MAGI2: variants seen among roughly 807,000 people sequenced by gnomAD.
The protein encoded by MAGI2 is membrane-associated guanylate kinase, WW and PDZ domain-containing protein 2.
In MAGI2, 35 loss-of-function variants were observed where a neutral mutation model predicts 133.3. The ratio of observed to expected loss-of-function variants is 0.26; its 90% CI spans 0.20 to 0.35. The LOEUF is 0.35. Among genes scored for constraint, MAGI2 ranks in the 10% least tolerant of loss-of-function variants. The probability of loss-of-function intolerance (pLI) is 1.00; values close to 1 mark genes in which losing one functional copy is unlikely to be tolerated. For synonymous variants in MAGI2, 729 were observed against 710.6 expected, an observed-to-expected ratio of 1.03 and a Z score of -0.41; for missense variants, 1,636 against 1,863.4, an observed-to-expected ratio of 0.88 and a Z score of 2.25.
At chr7:78,341,252 A>G (rs547005825) in intron 9 of MAGI2, among the ~76,000 whole-genome samples, 5 of 152,314 alleles carry the variant, frequency 3.3e-5, no homozygotes, top group Admixed American at 2.0e-4. Context: ...ACAACTTACG[A>G]GGGATGTGAA....
chr7:78,781,294 G>T (rs1826374045), intron 2 of MAGI2, among the ~76,000 whole-genome samples: 1 of 149,344 alleles, frequency 6.7e-6, no homozygotes, highest in Non-Finnish European at 1.5e-5. Flanking sequence ...CAGGAGAATG[G>T]CATGAACCCA....
At chr7:78,936,285 T>A (rs1346899940) in intron 2 of MAGI2, among the ~76,000 whole-genome samples, 1 of 151,972 alleles carries the variant, frequency 6.6e-6, no homozygotes, top group Non-Finnish European at 1.5e-5. Flanking sequence ...CTTGGCACCA[T>A]GCTAAGCATT....
At chr7:79,304,146 C>T (rs1231160724) in intron 1 of MAGI2, among the ~76,000 whole-genome samples, 1 of 144,400 alleles carries the variant, frequency 6.9e-6, no homozygotes, top group East Asian at 2.1e-4. Context: ...AATTAACTGG[C>T]AGGTGAGTTT....
chr7:78,636,841 A>G (rs1303114221), intron 2 of MAGI2, among the ~76,000 whole-genome samples: 1 of 151,998 alleles, frequency 6.6e-6, no homozygotes. Flanking sequence ...AACAACACAC[A>G]AAAAACATAG....
chr7:78,361,432 C>G (rs917538937), intron 7 of MAGI2, among the ~76,000 whole-genome samples: 2 of 149,288 alleles, frequency 1.3e-5, no homozygotes, highest in South Asian at 2.1e-4. Flanking sequence ...CAACCCCCCT[C>G]CCCCCCACAA....
rs773358292 is a variant in MAGI2, at chr7:78,501,615, T to A, written c.927A>T (p.Glu309Asp). Residue 309 changes from glutamate (E) to aspartate (D), a missense_variant, in exon 5 of 22, where the codon GAA becomes GAT. Transcript: ENST00000354212. Reference sequence around the variant, plus strand: ...CTTCGCCCTTCTCTGTATAGGCCATTTCCCAGTTATCAGGCAATGGGTCTG... The same window carrying A: ...CTTCGCCCTTCTCTGTATAGGCCATATCCCAGTTATCAGGCAATGGGTCTG... ...EEPDPLPDNWEMAYTEKGEVY... is the reference protein window; with the variant it reads ...EEPDPLPDNWDMAYTEKGEVY... The A allele has an allele frequency of 7.2e-5, 117 of 1,614,020 alleles. No homozygotes were observed. The highest frequency in any genetic ancestry group is 9.2e-5 in the Non-Finnish European group (108 of 1,180,030).
At chr7:78,330,433 C>T (rs1262404164) in intron 9 of MAGI2, among the ~76,000 whole-genome samples, 1 of 47,832 alleles carries the variant, frequency 2.1e-5, no homozygotes, top group South Asian at 4.1e-4. Flanking sequence ...CTGGCTAACA[C>T]GGTGAAACCC....
intron 2 of MAGI2, among the ~76,000 whole-genome samples, chr7:79,005,796 C>T (rs977029473): frequency 2.6e-5 from 4 of 152,140 alleles, no homozygotes; most frequent in Non-Finnish European, 5.9e-5. Flanking sequence ...TTCCTTTGTC[C>T]ATCACTCTAA....
chr7:79,019,344 C>T (rs1261207085), intron 1 of MAGI2, among the ~76,000 whole-genome samples: 4 of 152,056 alleles, frequency 2.6e-5, no homozygotes, highest in Admixed American at 2.6e-4. Context: ...TGAGTGAACT[C>T]TCATGAGATC....
At chr7:78,410,486 C>T (rs370287619) in intron 6 of MAGI2, among the ~76,000 whole-genome samples, 8 of 152,042 alleles carry the variant, frequency 5.3e-5, no homozygotes, top group Non-Finnish European at 1.0e-4. Context: ...TTTCTCATTG[C>T]CCCCTTTTCC....
rs185307007 is a variant in MAGI2, at chr7:78,028,086, G to T, written c.3707-8110C>A. ...TAAGAATTGTGTTCAAACTATAAAGGTTCATTTGCATCTGTTCAGCCATCA... is the reference window on the plus strand; with the variant it reads ...TAAGAATTGTGTTCAAACTATAAAGTTTCATTTGCATCTGTTCAGCCATCA... On this transcript the variant is annotated intron_variant, in intron 21 of 21. Coordinates refer to ENST00000354212, the MANE Select transcript of MAGI2 (RefSeq NM_012301.4). 2.1e-4 allele frequency among the ~76,000 whole-genome samples: 32 copies of T among 152,272 alleles called. 1 individual carries two copies. Among genetic ancestry groups the T allele is most frequent in the African/African-American group, 3.8e-4 (16 of 41,562 alleles).
chr7:78,729,479 C>A lies in MAGI2; in HGVS notation c.419-102240G>T, dbSNP rs567605198. On this transcript the variant is annotated intron_variant, in intron 2 of 21. Transcript: ENST00000354212. ...CACACCTTGGCAATGCCCACTCAAA[C>A]ACTGTTAAGGGAGAAGGCATCTTGG... Among the ~76,000 whole-genome samples the A allele has an allele frequency of 3.3e-5, 5 of 152,280 alleles. No individual in the cohort carries two copies. The East Asian group carries it at 5.8e-4, about 18-fold the overall frequency.
intron 2 of MAGI2, among the ~76,000 whole-genome samples, chr7:78,683,637 G>C (rs1815940175): frequency 1.3e-5 from 2 of 152,142 alleles, no homozygotes; most frequent in African/African-American, 2.4e-5. Context: ...TACAAGTAAA[G>C]TGTTCCCTCA....
At chr7:79,003,793 C>T (rs566369772) in intron 2 of MAGI2, among the ~76,000 whole-genome samples, 1 of 152,074 alleles carries the variant, frequency 6.6e-6, no homozygotes, top group Admixed American at 6.6e-5. Flanking sequence ...GGGCAAATGA[C>T]ATGAACAGAC....
At chr7:78,373,484 G>A (rs1233009218) in intron 6 of MAGI2, among the ~76,000 whole-genome samples, 2 of 152,098 alleles carry the variant, frequency 1.3e-5, no homozygotes, top group African/African-American at 4.8e-5. Context: ...TAGTATTTTT[G>A]TAATTTTTTA....
chr7:78,901,257 C>A (rs1797599839), intron 2 of MAGI2: 1 of 152,002 alleles, frequency 6.6e-6, no homozygotes, highest in African/African-American at 2.4e-5. Flanking sequence ...AAAATTCAGA[C>A]CAATACACTA....
intron 2 of MAGI2, among the ~76,000 whole-genome samples, chr7:78,657,381 T>C (rs1812418770): frequency 6.6e-6 from 1 of 152,264 alleles, no homozygotes; most frequent in African/African-American, 2.4e-5. Context: ...TGGATGTTTG[T>C]AGAATCTTTA....
At chr7:79,451,035 G>GTTAA (rs1203930243) in intron 1 of MAGI2, among the ~76,000 whole-genome samples, 2 of 152,050 alleles carry the variant, frequency 1.3e-5, no homozygotes, top group Non-Finnish European at 2.9e-5. Context: ...ACTTCTCCAC[G>GTTAA]TTAAGTCTTT....
At chr7:79,362,788 G>A (rs1842447327) in intron 1 of MAGI2, among the ~76,000 whole-genome samples, 1 of 151,938 alleles carries the variant, frequency 6.6e-6, no homozygotes, top group South Asian at 2.1e-4. Context: ...TAGGAATAGA[G>A]GGGAAATATC....
Sources: allele counts gnomAD v4.1 joint callset (sites outside exome capture counted in the v4.1 genomes callset), GRCh38; gene constraint gnomAD v4.1.1; transcripts MANE v1.5; gene names NCBI Gene and HGNC (gene_info 2026-07-23, HGNC 2026-07-21).